The following OR5H1 variants were observed in gnomAD, a reference collection of about 807,000 sequenced individuals.
OR5H1 encodes the protein olfactory receptor 5H1.
For synonymous variants in OR5H1, 124 were observed against 134.4 expected (o/e 0.92, Z 0.54); for missense variants, 378 against 366.8 (o/e 1.03, Z -0.25).
chr3:98,133,054 A>G lies in OR5H1; in HGVS notation c.357A>G (p.Ala119=), dbSNP rs1298718905. The G allele has an allele frequency of 5.6e-6, 9 of 1,613,570 alleles. No homozygotes were observed. Among genetic ancestry groups the G allele is most frequent in the South Asian group, 1.1e-5 (1 of 91,078 alleles). Residue 119 remains alanine (A), a synonymous_variant, in exon 2 of 2, where the codon GCA becomes GCG. Transcript: ENST00000641874. ...TTECFLLATM[A]YDRYVAICKP... is the part of the protein sequence containing the mutation. Reference sequence around the variant, plus strand: ...AATGTTTTCTCTTGGCAACGATGGCATATGATCGCTATGTAGCCATATGCA... The same window carrying G: ...AATGTTTTCTCTTGGCAACGATGGCGTATGATCGCTATGTAGCCATATGCA...
In OR5H1 at chr3:98,134,057, A is replaced by C; in HGVS notation, c.*418A>C. The stretch of plus-strand genomic sequence containing the variant: ...TTTGAGTGAACAGAGGTAAGTCCCA[A>C]TGATTCTGCTAACCATCAAGGTCTT... On this transcript the variant is annotated 3_prime_UTR_variant, in exon 2 of 2. Transcript: ENST00000641874. 6.3e-6 allele frequency: 1 copy of C among 159,976 alleles called. No individual in the cohort carries two copies. The highest frequency in any genetic ancestry group is 1.4e-5 in the Non-Finnish European group (1 of 72,670). The allele number at this position is 159,976 out of a possible 1,614,324, so 9.9% of individuals were successfully genotyped here.
At position 98,135,270 on chromosome 3, in the gene OR5H1, A is replaced by G. The variant is rs1292321022; in HGVS notation, c.*1631A>G. ...AGTGTTATTTTGATCATTCCAGTGG[A>G]AAATTCCTAGTTAGAAATTAGCTGG... is the stretch of plus-strand genomic sequence containing the variant. On this transcript the variant is annotated 3_prime_UTR_variant, in exon 2 of 2. Transcript: ENST00000641874. The G allele has an allele frequency of 6.6e-6, 1 of 152,182 alleles. No individual in the cohort carries two copies. The highest frequency in any genetic ancestry group is 1.9e-4 in the East Asian group (1 of 5,190). The allele number at this position is 152,182 out of a possible 1,614,324, so 9.4% of individuals were successfully genotyped here.
In OR5H1 at chr3:98,133,878, A is replaced by G. The variant is rs535867468; in HGVS notation, c.*239A>G. ...TAGAAATCAAATAAAACTATTTAAC[A>G]GTTGTATATGTTATTCAATGTGCAT... is the stretch of plus-strand genomic sequence containing the variant. On this transcript the variant is annotated 3_prime_UTR_variant, in exon 2 of 2. Transcript: ENST00000641874. 1.9e-4 allele frequency: 77 copies of G among 411,500 alleles called. 1 individual carries two copies. In the South Asian group the frequency reaches 2.3e-3, roughly 12 times the overall value. 25.5% of individuals were successfully genotyped at this position (411,500 alleles called of 1,614,324 possible).
In OR5H1 at chr3:98,135,915, T is replaced by G. The variant is rs1316177328; in HGVS notation, c.*2276T>G. 2 of 152,218 alleles carry G rather than the reference T, an allele frequency of 1.3e-5. No homozygotes were observed. Among genetic ancestry groups the G allele is most frequent in the African/African-American group, 4.8e-5 (2 of 41,472 alleles). The allele number at this position is 152,218 out of a possible 1,614,324, so 9.4% of individuals were successfully genotyped here. A position where few individuals can be genotyped will look rare whatever the true frequency, so the allele number is the denominator to read the frequency against. On this transcript the variant is annotated 3_prime_UTR_variant, in exon 2 of 2. Coordinates refer to ENST00000641874, the MANE Select transcript of OR5H1 (RefSeq NM_001005338.2). ...AAATGGCAGTTGCAGTCTGATAATT[T>G]TTCTGTTTTTTAGTCTGAATGTCTT...
At position 98,133,272 on chromosome 3, in the gene OR5H1, C is replaced by A. The variant is rs1708280039; in HGVS notation, c.575C>A (p.Ser192Tyr). ...IPLSKISCTD[S>Y]SINFLMVFIF... ...TTGTCTAAGATTTCTTGTACTGATT[C>A]TTCTATTAATTTTCTAATGGTTTTT... is the stretch of plus-strand genomic sequence containing the variant. Residue 192 changes from serine to tyrosine, a missense_variant, in exon 2 of 2, where the codon TCT (serine) becomes TAT (tyrosine). Physicochemically the swap from Ser to Tyr is moderately radical, Grantham distance 144. Coordinates refer to ENST00000641874, the MANE Select transcript of OR5H1 (RefSeq NM_001005338.2). The A allele has an allele frequency of 6.2e-7, 1 of 1,610,564 alleles. No homozygotes were observed. Among genetic ancestry groups the A allele is most frequent in the African/African-American group, 1.3e-5 (1 of 74,658 alleles).
chr3:98,132,578 A>T, intron 1 of OR5H1, 102 bp from the exon 2 acceptor site: 2 of 1,287,234 alleles, frequency 1.6e-6, no homozygotes, highest in Non-Finnish European at 2.1e-6. Flanking sequence ...AAAAATTGAG[A>T]GGGTTCTGAT....
chr3:98,131,334 T>C (rs1184727589), intron 1 of OR5H1, among the ~76,000 whole-genome samples: 2 of 151,898 alleles, frequency 1.3e-5, no homozygotes, highest in African/African-American at 4.8e-5. Context: ...AAAGGTTGCA[T>C]TAAGTAAAGT....
rs1403115172 is a variant in OR5H1, at chr3:98,134,589, G to A, written c.*950G>A. On this transcript the variant is annotated 3_prime_UTR_variant, in exon 2 of 2. Coordinates refer to ENST00000641874, the MANE Select transcript of OR5H1 (RefSeq NM_001005338.2). The stretch of plus-strand genomic sequence containing the variant: ...ACGACATCATGGTGCCCAGCAAGAG[G>A]AAGCAAAAACAAAAAAATGAGGTAA... 2.6e-5 allele frequency: 4 copies of A among 152,106 alleles called. No individual in the cohort carries two copies. The highest frequency in any genetic ancestry group is 9.6e-5 in the African/African-American group (4 of 41,544). 9.4% of individuals were successfully genotyped at this position (152,106 alleles called of 1,614,324 possible).
chr3:98,132,226 A>G (rs980282802), intron 1 of OR5H1, among the ~76,000 whole-genome samples: 1 of 152,030 alleles, frequency 6.6e-6, no homozygotes, highest in Non-Finnish European at 1.5e-5. Flanking sequence ...CTACACTATC[A>G]AAAACTAAAT....
In OR5H1 at chr3:98,134,320, T is replaced by A. The variant is rs555720474; in HGVS notation, c.*681T>A. 6.6e-6 allele frequency: 1 copy of A among 152,134 alleles called. No homozygotes were observed. Among genetic ancestry groups the A allele is most frequent in the East Asian group, 1.9e-4 (1 of 5,178 alleles). 9.4% of individuals were successfully genotyped at this position (152,134 alleles called of 1,614,324 possible). A position where few individuals can be genotyped will look rare whatever the true frequency, so the allele number is the denominator to read the frequency against. ...GCCCTTCCCAGCTATGATTATATGA[T>A]TTTAGACAACCTGGAAGCCTTCCCT... On this transcript the variant is annotated 3_prime_UTR_variant, in exon 2 of 2. Coordinates refer to ENST00000641874, the MANE Select transcript of OR5H1 (RefSeq NM_001005338.2).
rs1484102382 is a variant in OR5H1 at position 98,132,724 on chromosome 3, G to C, written c.27G>C (p.Leu9=). MEEENATL[L]TEFVLTGFLY... ...TGGAAGAGGAAAATGCAACATTGCT[G>C]ACAGAGTTTGTTCTCACAGGATTTT... The change falls in exon 2 of 2, where the codon CTG becomes CTC. Residue 9 remains leucine (L), a synonymous_variant. Coordinates refer to ENST00000641874, the MANE Select transcript of OR5H1 (RefSeq NM_001005338.2). 2 of 1,612,998 alleles carry C rather than the reference G, an allele frequency of 1.2e-6. No homozygotes were observed. Among genetic ancestry groups the C allele is most frequent in the Non-Finnish European group, 1.7e-6 (2 of 1,179,338 alleles).
In OR5H1 at chr3:98,136,722, C is replaced by T. The variant is rs1352354262; in HGVS notation, c.*3083C>T. The stretch of plus-strand genomic sequence containing the variant: ...AAGCATGTTCTTACTGTCTTAGTTC[C>T]CATGAGGGCTGGTTGATAAAAGAGC... On this transcript the variant is annotated 3_prime_UTR_variant, in exon 2 of 2. Transcript: ENST00000641874. 1 of 152,096 alleles carries T rather than the reference C, an allele frequency of 6.6e-6. No individual in the cohort carries two copies. The highest frequency in any genetic ancestry group is 2.4e-5 in the African/African-American group (1 of 41,400). The allele number at this position is 152,096 out of a possible 1,614,324, so 9.4% of individuals were successfully genotyped here. A position where few individuals can be genotyped will look rare whatever the true frequency, so the allele number is the denominator to read the frequency against.
rs921485703 is a variant in OR5H1 at position 98,133,799 on chromosome 3, T to A, written c.*160T>A. The A allele has an allele frequency of 3.4e-6, 2 of 586,192 alleles. No individual in the cohort carries two copies. Among genetic ancestry groups the A allele is most frequent in the African/African-American group, 3.7e-5 (2 of 53,474 alleles). The allele number at this position is 586,192 out of a possible 1,614,324, so 36.3% of individuals were successfully genotyped here. ...AAACTAATCGCAATATGTCTATATG[T>A]TATTCAAAAGCATTCAAGAAATTTT... On this transcript the variant is annotated 3_prime_UTR_variant, in exon 2 of 2. Transcript: ENST00000641874.
chr3:98,133,501 T>C lies in OR5H1; in HGVS notation c.804T>C (p.Asp268=), dbSNP rs767752384. 6.8e-6 allele frequency: 11 copies of C among 1,613,448 alleles called. No homozygotes were observed. The Admixed American group carries it at 1.5e-4, about 22-fold the overall frequency. The change falls in exon 2 of 2, where the codon GAT becomes GAC. Residue 268 remains aspartate (D), a synonymous_variant. Transcript: ENST00000641874. ...TGGGCCCTGCATCTCCGCAAGCAGA[T>C]GATCAAGATATGGTGGAGCCTCTAT... ...IYVGPASPQA[D]DQDMVEPLFY...
At position 98,134,846 on chromosome 3, in the gene OR5H1, A is replaced by C. The variant is rs550376891; in HGVS notation, c.*1207A>C. 5.3e-5 allele frequency: 8 copies of C among 151,922 alleles called. No individual in the cohort carries two copies. Among genetic ancestry groups the C allele is most frequent in the African/African-American group, 1.4e-4 (6 of 41,442 alleles). The allele number at this position is 151,922 out of a possible 1,614,324, so 9.4% of individuals were successfully genotyped here. On this transcript the variant is annotated 3_prime_UTR_variant, in exon 2 of 2. Transcript: ENST00000641874. Reference sequence around the variant, plus strand: ...TATTTCCTCCATCCTTCTAACAGTCACTCACTTCCCCAAAATGGCTGTTAG... The same window carrying C: ...TATTTCCTCCATCCTTCTAACAGTCCCTCACTTCCCCAAAATGGCTGTTAG...
chr3:98,133,677 T>C lies in OR5H1; in HGVS notation c.*38T>C, dbSNP rs770967072. 12 of 1,521,374 alleles carry C rather than the reference T, an allele frequency of 7.9e-6. No individual in the cohort carries two copies. Among genetic ancestry groups the C allele is most frequent in the Admixed American group, 7.1e-5 (4 of 56,366 alleles). The allele number at this position is 1,521,374 out of a possible 1,614,324, so 94.2% of individuals were successfully genotyped here. A position where few individuals can be genotyped will look rare whatever the true frequency, so the allele number is the denominator to read the frequency against. On this transcript the variant is annotated 3_prime_UTR_variant, in exon 2 of 2. Coordinates refer to ENST00000641874, the MANE Select transcript of OR5H1 (RefSeq NM_001005338.2). ...AATTACAAAAATAGTCACAAAATTATGCAAGTTAGAGGTACCTATGTTGTT... is the reference window on the plus strand; with the variant it reads ...AATTACAAAAATAGTCACAAAATTACGCAAGTTAGAGGTACCTATGTTGTT...
In OR5H1 at chr3:98,133,319, G is replaced by T; in HGVS notation, c.622G>T (p.Val208Leu). ...TTTTATTTTCTCAGGTTCAATTCAG[G>T]TATTCAGCATTGTGACTATTCTTGT... ...MVFIFSGSIQ[V>L]FSIVTILVSY... The change falls in exon 2 of 2, where the codon GTA becomes TTA. Residue 208 changes from valine (V) to leucine (L), a missense_variant. Coordinates refer to ENST00000641874, the MANE Select transcript of OR5H1 (RefSeq NM_001005338.2). The T allele has an allele frequency of 1.2e-6, 2 of 1,612,986 alleles. No homozygotes were observed. Among genetic ancestry groups the T allele is most frequent in the South Asian group, 1.1e-5 (1 of 91,038 alleles).
At chr3:98,132,466 T>G (rs1230748531) in intron 1 of OR5H1, among the ~76,000 whole-genome samples, 1 of 152,106 alleles carries the variant, frequency 6.6e-6, no homozygotes, top group African/African-American at 2.4e-5. Flanking sequence ...CCTCTTGTTT[T>G]ACCTAAATCT....
chr3:98,134,242 C>T lies in OR5H1; in HGVS notation c.*603C>T, dbSNP rs540048912. Reference sequence around the variant, plus strand: ...GAGCATGCTCTTAACTCTATGTGCTCGTATGAGTAAGAAGAGGCAAGCTGC... The same window carrying T: ...GAGCATGCTCTTAACTCTATGTGCTTGTATGAGTAAGAAGAGGCAAGCTGC... On this transcript the variant is annotated 3_prime_UTR_variant, in exon 2 of 2. Coordinates refer to ENST00000641874, the MANE Select transcript of OR5H1 (RefSeq NM_001005338.2). 6 of 152,380 alleles carry T rather than the reference C, an allele frequency of 3.9e-5. No homozygotes were observed. Among genetic ancestry groups the T allele is most frequent in the African/African-American group, 9.6e-5 (4 of 41,520 alleles). 9.4% of individuals were successfully genotyped at this position (152,380 alleles called of 1,614,324 possible). A position where few individuals can be genotyped will look rare whatever the true frequency, so the allele number is the denominator to read the frequency against.
Sources: gnomAD v4.1 joint callset for allele counts (sites outside exome capture counted in the v4.1 genomes callset) on GRCh38, gnomAD v4.1.1 for gene constraint, MANE v1.5 for transcripts, NCBI Gene and HGNC (gene_info 2026-07-23, HGNC 2026-07-21) for gene names.